RAPGEF5: variants seen among roughly 807,000 people sequenced by gnomAD.
The protein encoded by RAPGEF5 is M-Ras-regulated GEF.
A neutral mutation model predicts 125.2 loss-of-function variants in RAPGEF5; 65 were observed. The observed-to-expected ratio is 0.52, with a 90% confidence interval of 0.43 to 0.64. RAPGEF5 has a LOEUF of 0.64. RAPGEF5 is among the 30% of genes least tolerant of loss of function. The pLI is 0.00. For missense variants in RAPGEF5, 958 were observed against 1,048.1 expected, an observed-to-expected ratio of 0.91 and a Z score of 1.19; for synonymous variants, 391 against 385.9, an observed-to-expected ratio of 1.01 and a Z score of -0.16.
chr7:22,276,321 C>T (rs934955405), intron 6 of RAPGEF5, among the ~76,000 whole-genome samples: 1 of 152,124 alleles, frequency 6.6e-6, no homozygotes, highest in African/African-American at 2.4e-5. Flanking sequence ...ATCTCCAAAG[C>T]CATAATATAA....
intron 1 of RAPGEF5, among the ~76,000 whole-genome samples, chr7:22,321,905 G>A (rs1240406170): frequency 6.6e-6 from 1 of 152,126 alleles, no homozygotes; most frequent in East Asian, 1.9e-4. Context: ...CCCTTCTTCA[G>A]CCCCCAAATA....
At chr7:22,236,454 C>T (rs538190170) in intron 7 of RAPGEF5, among the ~76,000 whole-genome samples, 3 of 152,296 alleles carry the variant, frequency 2.0e-5, no homozygotes, top group African/African-American at 7.2e-5. Flanking sequence ...TGATTTAATA[C>T]GGCGTGAGGA....
chr7:22,222,542 TG>T (rs1241457777), intron 8 of RAPGEF5, among the ~76,000 whole-genome samples: 1 of 152,148 alleles, frequency 6.6e-6, no homozygotes, highest in Non-Finnish European at 1.5e-5. Flanking sequence ...GTGTTTGGCA[TG>T]CTCAAGGATA....
intron 8 of RAPGEF5, among the ~76,000 whole-genome samples, chr7:22,229,536 A>G (rs913722506): frequency 1.3e-5 from 2 of 152,260 alleles, no homozygotes; most frequent in African/African-American, 4.8e-5. Flanking sequence ...TAAATTGTAC[A>G]TATAAATTAC....
chr7:22,281,180 T>A (rs914418940), intron 6 of RAPGEF5, among the ~76,000 whole-genome samples: 6 of 152,208 alleles, frequency 3.9e-5, no homozygotes, highest in Non-Finnish European at 8.8e-5. Flanking sequence ...TTCCTATTCT[T>A]ATCCGTAATA....
intron 7 of RAPGEF5, among the ~76,000 whole-genome samples, chr7:22,254,069 T>C (rs1363615633): frequency 1.3e-5 from 2 of 152,216 alleles, no homozygotes; most frequent in African/African-American, 2.4e-5. Flanking sequence ...GCAATATGAA[T>C]ATCTTGTCTT....
chr7:22,352,080 T>C (rs548196890), intron 1 of RAPGEF5, among the ~76,000 whole-genome samples: 2 of 152,350 alleles, frequency 1.3e-5, no homozygotes, highest in Non-Finnish European at 2.9e-5. Context: ...TGAAGGTCTT[T>C]GGTGAGCAAT....
At chr7:22,144,794 C>A (rs2128105233) in intron 20 of RAPGEF5, among the ~76,000 whole-genome samples, 1 of 152,260 alleles carries the variant, frequency 6.6e-6, no homozygotes, top group Non-Finnish European at 1.5e-5. Flanking sequence ...GTGTGTACTG[C>A]CTGCTTATTA....
At chr7:22,256,011 C>G (rs1439914647) in intron 7 of RAPGEF5, among the ~76,000 whole-genome samples, 1 of 152,294 alleles carries the variant, frequency 6.6e-6, no homozygotes, top group South Asian at 2.1e-4. Flanking sequence ...GTGATTGAGA[C>G]AGTGCAAACA....
chr7:22,224,835 CTT>C (rs61426791), intron 8 of RAPGEF5, among the ~76,000 whole-genome samples: 10,503 of 140,034 alleles, frequency 0.075, 491 homozygotes, highest in Non-Finnish European at 0.11. Flanking sequence ...TTTTGGTTTT[CTT>C]TTTTTTTTTT....
intron 7 of RAPGEF5, among the ~76,000 whole-genome samples, chr7:22,247,192 T>G (rs982112204): frequency 1.3e-5 from 2 of 152,232 alleles, no homozygotes; most frequent in African/African-American, 2.4e-5. Flanking sequence ...GAACTTAAAA[T>G]AGAACTACCA....
At chr7:22,261,671 T>C (rs1455934342) in intron 7 of RAPGEF5, among the ~76,000 whole-genome samples, 1 of 152,166 alleles carries the variant, frequency 6.6e-6, no homozygotes, top group African/African-American at 2.4e-5. Context: ...GGATTTTACA[T>C]ATAGCTACAG....
intron 1 of RAPGEF5, among the ~76,000 whole-genome samples, chr7:22,345,908 G>C (rs1784215647): frequency 1.3e-5 from 2 of 152,122 alleles, no homozygotes; most frequent in African/African-American, 4.8e-5. Context: ...CAGATTTATA[G>C]ATGTGTTCTT....
chr7:22,335,533 C>T (rs1238343529), intron 1 of RAPGEF5, among the ~76,000 whole-genome samples: 1 of 151,930 alleles, frequency 6.6e-6, no homozygotes, highest in East Asian at 1.9e-4. Flanking sequence ...AGACCTGGCA[C>T]TGGGCAGGTG....
intron 1 of RAPGEF5, among the ~76,000 whole-genome samples, chr7:22,342,181 T>C (rs762133141): frequency 7.9e-5 from 12 of 152,232 alleles, no homozygotes; most frequent in Non-Finnish European, 1.3e-4. Context: ...TTGCCAAAGC[T>C]TGGAGCTTCC....
At chr7:22,175,861 G>A (rs1784487510) in intron 11 of RAPGEF5, among the ~76,000 whole-genome samples, 1 of 152,054 alleles carries the variant, frequency 6.6e-6, no homozygotes, top group South Asian at 2.1e-4. Context: ...AGCACCAAAA[G>A]GTTCTGTATT....
chr7:22,326,001 T>C (rs1783807165), intron 1 of RAPGEF5, among the ~76,000 whole-genome samples: 2 of 152,258 alleles, frequency 1.3e-5, no homozygotes. Flanking sequence ...AATTCCCACA[T>C]TACTCACAGG....
chr7:22,166,299 G>C (rs1784163617), intron 12 of RAPGEF5, among the ~76,000 whole-genome samples: 1 of 151,906 alleles, frequency 6.6e-6, no homozygotes, highest in African/African-American at 2.4e-5. Context: ...ATGTGGTTTA[G>C]AGTGGAATCT....
At chr7:22,156,998 G>A (rs1009254809) in intron 15 of RAPGEF5, 110 bp from the exon 16 acceptor site, 163 of 1,477,218 alleles carry the variant, frequency 1.1e-4, no homozygotes, top group Non-Finnish European at 1.2e-4. Context: ...TTTTTAATAT[G>A]AAATCCACCC....
Sources: allele counts gnomAD v4.1 joint callset (sites outside exome capture counted in the v4.1 genomes callset), GRCh38; gene constraint gnomAD v4.1.1; transcripts MANE v1.5; gene names NCBI Gene and HGNC (gene_info 2026-07-23, HGNC 2026-07-21).